RNF13: variants seen among roughly 807,000 people sequenced by gnomAD.
RNF13 encodes the protein ring finger protein 13.
RNF13 carries 19 observed loss-of-function variants against 37.7 expected under a neutral mutation model. That is an observed-to-expected ratio of 0.50 (90% CI 0.35 to 0.74). The LOEUF (loss-of-function observed/expected upper bound fraction) is 0.74, where lower values mean the gene tolerates loss of function less well. Among genes scored for constraint, RNF13 ranks in the 30% least tolerant of loss-of-function variants. RNF13 has a pLI of 0.01. For synonymous variants in RNF13, 144 were observed against 157.8 expected (o/e 0.91, Z 0.65); for missense variants, 375 against 453.0 (o/e 0.83, Z 1.56).
intron 3 of RNF13, among the ~76,000 whole-genome samples, chr3:149,859,041 C>T (rs555012827): frequency 6.6e-6 from 1 of 152,128 alleles, no homozygotes; most frequent in South Asian, 2.1e-4. Flanking sequence ...AGGAAAGAAG[C>T]TCAGTGCCAC....
At chr3:149,883,225 C>A (rs1017633114) in intron 4 of RNF13, among the ~76,000 whole-genome samples, 72 of 152,202 alleles carry the variant, frequency 4.7e-4, no homozygotes, top group African/African-American at 1.7e-3. Flanking sequence ...GTCATGTCTC[C>A]TTTAATCTAC....
intron 6 of RNF13, among the ~76,000 whole-genome samples, chr3:149,909,952 GA>G (rs3836226): frequency 0.019 from 2,885 of 148,596 alleles, 92 homozygotes; most frequent in African/African-American, 0.066. Context: ...AAAAAGAGAA[GA>G]AAAAAAAAAA....
chr3:149,859,408 A>G (rs1723993039), intron 3 of RNF13, among the ~76,000 whole-genome samples: 1 of 152,212 alleles, frequency 6.6e-6, no homozygotes, highest in Admixed American at 6.5e-5. Context: ...TCATTTATTA[A>G]ATGAAGCAGG....
chr3:149,958,882 G>A (rs114747724), intron 8 of RNF13, among the ~76,000 whole-genome samples: 2,129 of 152,210 alleles, frequency 0.014, 49 homozygotes, highest in African/African-American at 0.049. Flanking sequence ...TCAAGGTAAT[G>A]GACAAAACTT....
chr3:149,907,633 C>G lies in RNF13; in HGVS notation c.501-4345C>G, dbSNP rs185044075. On this transcript the variant is annotated intron_variant, in intron 6 of 9. Coordinates refer to ENST00000392894, the MANE Select transcript of RNF13 (RefSeq NM_183381.3). ...ATCTTCAACAAAAAATTTATTATCT[C>G]TGGGCCGTAGCCTCTCTCCTCATTA... 7.8e-4 allele frequency among the ~76,000 whole-genome samples: 119 copies of G among 152,284 alleles called. 2 individuals are homozygous for G. Among genetic ancestry groups the G allele is most frequent in the Non-Finnish European group, 1.2e-4 (8 of 68,022 alleles).
At chr3:149,908,422 T>C (rs1716651174) in intron 6 of RNF13, among the ~76,000 whole-genome samples, 1 of 152,182 alleles carries the variant, frequency 6.6e-6, no homozygotes, top group Admixed American at 6.5e-5. Context: ...TTTTTTCACA[T>C]TTAATCCCTA....
intron 8 of RNF13, among the ~76,000 whole-genome samples, chr3:149,943,372 G>A (rs1417037341): frequency 6.6e-6 from 1 of 152,010 alleles, no homozygotes; most frequent in Non-Finnish European, 1.5e-5. Context: ...TGGTCCATCT[G>A]TTGCAACTGA....
chr3:149,872,453 A>G (rs975159879), intron 4 of RNF13, among the ~76,000 whole-genome samples: 12 of 152,222 alleles, frequency 7.9e-5, no homozygotes, highest in African/African-American at 2.9e-4. Context: ...TCAAACCTAC[A>G]TCTATACCTG....
chr3:149,865,706 C>G (rs1273896172), intron 3 of RNF13, among the ~76,000 whole-genome samples: 2 of 152,086 alleles, frequency 1.3e-5, no homozygotes, highest in Non-Finnish European at 2.9e-5. Flanking sequence ...TGAGCTTTCT[C>G]TCTGTCTACT....
At chr3:149,918,049 T>C (rs1416575190) in intron 7 of RNF13, among the ~76,000 whole-genome samples, 2 of 152,170 alleles carry the variant, frequency 1.3e-5, no homozygotes, top group Non-Finnish European at 2.9e-5. Context: ...TTATTGTAAT[T>C]TTAAATTTTC....
chr3:149,871,251 A>T (rs1274803547), intron 3 of RNF13, among the ~76,000 whole-genome samples: 1 of 151,672 alleles, frequency 6.6e-6, no homozygotes, highest in Non-Finnish European at 1.5e-5. Flanking sequence ...CATGTTGGCC[A>T]GGCTGGTCTT....
rs1019126693 is a variant in RNF13, at chr3:149,959,997, A to G, written c.701-59A>G. On this transcript the variant is annotated intron_variant, in intron 8 of 9. Coordinates refer to ENST00000392894, the MANE Select transcript of RNF13 (RefSeq NM_183381.3). ...ATACATCAAAAGGCAGTAACTGAGG[A>G]CTAACTTGAAAAGTTTGAAAGGTGA... 2.7e-6 allele frequency: 3 copies of G among 1,101,024 alleles called. No homozygotes were observed. In the African/African-American group the frequency reaches 4.7e-5, roughly 17 times the overall value. 68.2% of individuals were successfully genotyped at this position (1,101,024 alleles called of 1,614,324 possible).
chr3:149,816,014 C>T (rs1034641140), intron 1 of RNF13, among the ~76,000 whole-genome samples: 5 of 151,714 alleles, frequency 3.3e-5, no homozygotes, highest in Admixed American at 6.6e-5. Context: ...TATCTTAGCC[C>T]GACAAGTAGC....
intron 8 of RNF13, among the ~76,000 whole-genome samples, chr3:149,933,259 G>T (rs1719338303): frequency 6.7e-6 from 1 of 149,228 alleles, no homozygotes; most frequent in Admixed American, 6.7e-5. Flanking sequence ...GCTGCCTTTT[G>T]AGGCTTTTTT....
chr3:149,880,942 G>A (rs1713323140), intron 4 of RNF13, among the ~76,000 whole-genome samples: 1 of 152,054 alleles, frequency 6.6e-6, no homozygotes, highest in Non-Finnish European at 1.5e-5. Context: ...ATTTTTACTT[G>A]TTCCCTAGTT....
chr3:149,833,424 T>C (rs753546423), intron 1 of RNF13, among the ~76,000 whole-genome samples: 19 of 152,192 alleles, frequency 1.2e-4, no homozygotes, highest in Non-Finnish European at 1.8e-4. Flanking sequence ...ATTATACACA[T>C]GACCAAGTTG....
Position 149,819,329 on chromosome 3 carries a change from A to AT in RNF13, c.-17+5982dup, listed in dbSNP as rs770146518. On this transcript the variant is annotated intron_variant, in intron 1 of 9. Transcript: ENST00000392894. Reference sequence around the variant, plus strand: ...TATTTACCGGTAAGATTACATTGTAATTTTTTAAAATAGAGCAAAATATTA... The same window carrying AT: ...TATTTACCGGTAAGATTACATTGTAATTTTTTTAAAATAGAGCAAAATATTA... Among the ~76,000 whole-genome samples the AT allele has an allele frequency of 1.3e-3, 204 of 152,312 alleles. 1 individual carries two copies. The highest frequency in any genetic ancestry group is 2.1e-3 in the Non-Finnish European group (145 of 68,028).
intron 1 of RNF13, among the ~76,000 whole-genome samples, chr3:149,824,925 C>T (rs1396736747): frequency 6.6e-6 from 1 of 150,492 alleles, no homozygotes; most frequent in Non-Finnish European, 1.5e-5. Flanking sequence ...TCATCACCCA[C>T]GTATTAAGCC....
chr3:149,864,312 C>A (rs1463781884), intron 3 of RNF13, among the ~76,000 whole-genome samples: 2 of 152,002 alleles, frequency 1.3e-5, no homozygotes, highest in African/African-American at 4.8e-5. Flanking sequence ...ACAGGCTCCC[C>A]TTCACCTTCC....
Sources: gnomAD v4.1 joint callset for allele counts (sites outside exome capture counted in the v4.1 genomes callset) on GRCh38, gnomAD v4.1.1 for gene constraint, MANE v1.5 for transcripts, NCBI Gene and HGNC (gene_info 2026-07-23, HGNC 2026-07-21) for gene names.